The following ADGRL2 variants were observed in gnomAD, a reference collection of about 807,000 sequenced individuals.
ADGRL2 encodes the protein calcium-independent alpha-latrotoxin receptor 2.
A neutral mutation model predicts 157.4 loss-of-function variants in ADGRL2; 44 were observed. The observed-to-expected ratio is 0.28, with a 90% confidence interval of 0.22 to 0.36. The LOEUF is 0.36. ADGRL2 is among the 10% of genes least tolerant of loss of function. ADGRL2 has a pLI of 1.00. For synonymous variants in ADGRL2, 585 were observed against 624.7 expected, an observed-to-expected ratio of 0.94 and a Z score of 0.95; for missense variants, 1,510 against 1,768.9, an observed-to-expected ratio of 0.85 and a Z score of 2.63.
At chr1:81,417,960 A>T (rs1051220024) in intron 1 of ADGRL2, among the ~76,000 whole-genome samples, 6 of 152,040 alleles carry the variant, frequency 3.9e-5, no homozygotes, top group Admixed American at 2.0e-4. Flanking sequence ...TTCTTTTTTT[A>T]AAAAAATGTA....
intron 2 of ADGRL2, among the ~76,000 whole-genome samples, chr1:81,580,420 G>T (rs892831320): frequency 1.3e-5 from 2 of 151,966 alleles, no homozygotes; most frequent in African/African-American, 4.8e-5. Context: ...GAAAACAGGG[G>T]TATTGAAAAG....
intron 2 of ADGRL2, among the ~76,000 whole-genome samples, chr1:81,864,687 C>T (rs2093483809): frequency 6.6e-6 from 1 of 152,116 alleles, no homozygotes; most frequent in Non-Finnish European, 1.5e-5. Context: ...CGAAGCTGGG[C>T]ATGGTGGCTC....
chr1:81,355,097 T>TGG (rs1353105965), intron 1 of ADGRL2, among the ~76,000 whole-genome samples: 1 of 152,220 alleles, frequency 6.6e-6, no homozygotes, highest in Non-Finnish European at 1.5e-5. Flanking sequence ...ATCCCAATGT[T>TGG]CATAGCTTTA....
intron 1 of ADGRL2, among the ~76,000 whole-genome samples, chr1:81,737,811 A>G (rs957272671): frequency 2.3e-4 from 35 of 152,352 alleles, no homozygotes; most frequent in African/African-American, 8.2e-4. Flanking sequence ...AGAACCTTTC[A>G]GGTCTTGCCT....
At chr1:81,851,175 G>A (rs953692225) in intron 2 of ADGRL2, among the ~76,000 whole-genome samples, 1 of 151,846 alleles carries the variant, frequency 6.6e-6, no homozygotes, top group Non-Finnish European at 1.5e-5. Flanking sequence ...ATTATAGCAA[G>A]CCCTAGTTAT....
intron 1 of ADGRL2, among the ~76,000 whole-genome samples, chr1:81,733,062 T>C (rs2084777846): frequency 6.6e-6 from 1 of 152,166 alleles, no homozygotes; most frequent in Non-Finnish European, 1.5e-5. Context: ...TTCACTATAA[T>C]TTACTTACTT....
intron 11 of ADGRL2, among the ~76,000 whole-genome samples, chr1:81,958,233 G>C (rs1454627885): frequency 6.6e-6 from 1 of 151,822 alleles, no homozygotes; most frequent in East Asian, 1.9e-4. Flanking sequence ...CTCCAGCCTG[G>C]GCGACAAGAG....
At chr1:81,791,583 T>A (rs967953428) in intron 2 of ADGRL2, among the ~76,000 whole-genome samples, 2 of 150,788 alleles carry the variant, frequency 1.3e-5, no homozygotes, top group Non-Finnish European at 2.9e-5. Flanking sequence ...AATGGGTCAG[T>A]GGAACAGTGG....
At chr1:81,815,156 C>T (rs2090269721) in intron 1 of ADGRL2, among the ~76,000 whole-genome samples, 1 of 151,714 alleles carries the variant, frequency 6.6e-6, no homozygotes, top group Admixed American at 6.6e-5. Context: ...GTTTTTATGT[C>T]ATGGTTTAGA....
intron 1 of ADGRL2, among the ~76,000 whole-genome samples, chr1:81,381,781 G>A (rs1570783061): frequency 2.6e-5 from 4 of 152,168 alleles, no homozygotes; most frequent in African/African-American, 9.6e-5. Flanking sequence ...ATGTGGTTGT[G>A]GTAAATTATT....
chr1:81,512,286 T>G (rs2079094226), intron 2 of ADGRL2, among the ~76,000 whole-genome samples: 1 of 152,148 alleles, frequency 6.6e-6, no homozygotes, highest in African/African-American at 2.4e-5. Flanking sequence ...GTGATGCAAA[T>G]TGCTTTATTG....
chr1:81,523,391 A>T (rs1557756541), intron 2 of ADGRL2, among the ~76,000 whole-genome samples: 1 of 152,160 alleles, frequency 6.6e-6, no homozygotes, highest in Non-Finnish European at 1.5e-5. Flanking sequence ...AGCTTCAATA[A>T]TTAAAGTATT....
At chr1:81,847,649 T>C (rs1367503377) in intron 2 of ADGRL2, among the ~76,000 whole-genome samples, 1 of 151,800 alleles carries the variant, frequency 6.6e-6, no homozygotes, top group East Asian at 1.9e-4. Flanking sequence ...ATGTGGTGAG[T>C]TGCTTTGAAA....
chr1:81,949,133 T>C (rs1572308942), intron 6 of ADGRL2, among the ~76,000 whole-genome samples: 1 of 152,332 alleles, frequency 6.6e-6, no homozygotes, highest in South Asian at 2.1e-4. Context: ...TTTGCTCTAC[T>C]ACAACAATTT....
intron 2 of ADGRL2, among the ~76,000 whole-genome samples, chr1:81,460,422 A>T (rs1011269079): frequency 1.3e-5 from 2 of 152,118 alleles, no homozygotes; most frequent in African/African-American, 4.8e-5. Context: ...GCTTTACCTC[A>T]GCCAACTTAA....
exon 2 of ADGRL2, chr1:81,445,088 A>G (rs1033919213): frequency 6.6e-6 from 1 of 152,246 alleles, no homozygotes; most frequent in Non-Finnish European, 1.5e-5. Context: ...TAGATTCATA[A>G]GGTAAATGAT....
chr1:81,353,589 G>T (rs981004532), intron 1 of ADGRL2, among the ~76,000 whole-genome samples: 1 of 152,108 alleles, frequency 6.6e-6, no homozygotes, highest in South Asian at 2.1e-4. Flanking sequence ...AATTTGTAAT[G>T]AAGATTTTAC....
At chr1:81,972,067 A>T (rs1658917982) in intron 17 of ADGRL2, 149 bp downstream of exon 17, 1 of 431,246 alleles carries the variant, frequency 2.3e-6, no homozygotes, top group Non-Finnish European at 4.1e-6. Flanking sequence ...TATTTTAAAT[A>T]TTTTTTATAA....
At chr1:81,771,482 T>C (rs781615123) in intron 2 of ADGRL2, among the ~76,000 whole-genome samples, 20 of 152,084 alleles carry the variant, frequency 1.3e-4, no homozygotes, top group Non-Finnish European at 2.4e-4. Flanking sequence ...TATCTACAAA[T>C]AAATGCATCG....
Sources: allele counts gnomAD v4.1 joint callset (sites outside exome capture counted in the v4.1 genomes callset), GRCh38; gene constraint gnomAD v4.1.1; transcripts MANE v1.5; gene names NCBI Gene and HGNC (gene_info 2026-07-23, HGNC 2026-07-21).